The following WIPF3 variants were observed in gnomAD, a reference collection of about 807,000 sequenced individuals.
WIPF3 encodes WAS/WASL-interacting protein family member 3.
In WIPF3, 33 loss-of-function variants were observed where a neutral mutation model predicts 38.9. That is an observed-to-expected ratio of 0.85 (90% CI 0.64 to 1.14). WIPF3 has a LOEUF of 1.14. WIPF3 is among the 50% of genes most tolerant of loss of function. The pLI is 0.00. For synonymous variants in WIPF3, 324 were observed against 269.3 expected (o/e 1.20, Z -1.99); for missense variants, 711 against 652.5 (o/e 1.09, Z -0.98).
intron 8 of WIPF3, 80 bp from the exon 9 acceptor site, chr7:29,914,413 T>G: frequency 1.7e-6 from 2 of 1,194,688 alleles, no homozygotes; most frequent in Non-Finnish European, 2.3e-6. Context: ...CCCAGCCTGT[T>G]TGGGGGGGTG....
At chr7:29,908,423 T>C (rs1321131819) in intron 8 of WIPF3, among the ~76,000 whole-genome samples, 1 of 152,088 alleles carries the variant, frequency 6.6e-6, no homozygotes, top group Non-Finnish European at 1.5e-5. Context: ...ATCCTACTCC[T>C]AATAATGGGT....
chr7:29,889,061 C>T (rs1184690658), intron 6 of WIPF3, among the ~76,000 whole-genome samples: 1 of 152,176 alleles, frequency 6.6e-6, no homozygotes, highest in Non-Finnish European at 1.5e-5. Flanking sequence ...GAAGTAAGTT[C>T]AGGTGGGTGA....
chr7:29,845,074 C>CT (rs1784977708), intron 2 of WIPF3, among the ~76,000 whole-genome samples: 1 of 144,778 alleles, frequency 6.9e-6, no homozygotes. Flanking sequence ...TCCCCACTTG[C>CT]TTTTTGGTTC....
chr7:29,883,209 G>A (rs1007489915), intron 4 of WIPF3, among the ~76,000 whole-genome samples: 1 of 152,188 alleles, frequency 6.6e-6, no homozygotes, highest in Non-Finnish European at 1.5e-5. Flanking sequence ...AAACCCTTGG[G>A]AATTAGCATA....
At chr7:29,840,316 C>T (rs1363976596) in intron 2 of WIPF3, among the ~76,000 whole-genome samples, 1 of 152,248 alleles carries the variant, frequency 6.6e-6, no homozygotes, top group African/African-American at 2.4e-5. Context: ...CTACTTAAGG[C>T]CTCTGCATAG....
chr7:29,826,253 C>G (rs760114113), intron 1 of WIPF3, among the ~76,000 whole-genome samples: 3 of 152,066 alleles, frequency 2.0e-5, no homozygotes, highest in Non-Finnish European at 4.4e-5. Flanking sequence ...GGAGATGGTG[C>G]CTTTCTTACA....
intron 2 of WIPF3, among the ~76,000 whole-genome samples, chr7:29,854,183 C>G (rs1190004378): frequency 6.6e-6 from 1 of 152,180 alleles, no homozygotes; most frequent in East Asian, 1.9e-4. Flanking sequence ...ACCAGTGACA[C>G]CAAAGCCTCA....
At position 29,884,295 on chromosome 7, in the gene WIPF3, C is replaced by G; in HGVS notation, c.801C>G (p.Leu267=). The part of the protein sequence containing the change: ...LPPIPPPLPL[L]PPCGYPGLKA... ...CCATCCCGCCCCCGCTCCCTCTGCT[C>G]CCACCTTGTGGGTATCCGGGGCTCA... Residue 267 remains leucine, a synonymous_variant, in exon 5 of 9, where the codon CTC becomes CTG. Transcript: ENST00000242140. The G allele has an allele frequency of 7.6e-7, 1 of 1,323,414 alleles. No homozygotes were observed. The highest frequency in any genetic ancestry group is 1.0e-6 in the Non-Finnish European group (1 of 979,142). The allele number at this position is 1,323,414 out of a possible 1,614,324, so 82.0% of individuals were successfully genotyped here. A position where few individuals can be genotyped will look rare whatever the true frequency, so the allele number is the denominator to read the frequency against.
intron 7 of WIPF3, among the ~76,000 whole-genome samples, chr7:29,899,481 T>C (rs1298762342): frequency 3.9e-5 from 6 of 152,256 alleles, no homozygotes; most frequent in African/African-American, 1.4e-4. Context: ...TGCAGCAGTT[T>C]TTATTCACTG....
At chr7:29,889,232 G>C in intron 6 of WIPF3, 74 bp from the exon 7 acceptor site, 1 of 1,260,660 alleles carries the variant, frequency 7.9e-7, no homozygotes. Flanking sequence ...AGTAATCTCT[G>C]TGCTCCTGGA....
intron 1 of WIPF3, among the ~76,000 whole-genome samples, chr7:29,821,863 T>C (rs1270922949): frequency 1.3e-5 from 2 of 152,186 alleles, no homozygotes; most frequent in Non-Finnish European, 2.9e-5. Flanking sequence ...TTTGGGCTTC[T>C]TCTAGTGTGT....
At chr7:29,842,277 T>C (rs1411779883) in intron 2 of WIPF3, among the ~76,000 whole-genome samples, 4 of 152,250 alleles carry the variant, frequency 2.6e-5, no homozygotes, top group African/African-American at 9.6e-5. Flanking sequence ...ACAGTTCACC[T>C]AGGGCAGGCC....
intron 2 of WIPF3, among the ~76,000 whole-genome samples, chr7:29,857,247 G>A (rs1785200713): frequency 6.6e-6 from 1 of 152,122 alleles, no homozygotes; most frequent in Non-Finnish European, 1.5e-5. Flanking sequence ...ACATAGGGTA[G>A]TTAAACTTTG....
intron 2 of WIPF3, among the ~76,000 whole-genome samples, 190 bp downstream of exon 2, chr7:29,835,004 A>G (rs936663305): frequency 6.6e-6 from 1 of 151,624 alleles, no homozygotes; most frequent in Non-Finnish European, 1.5e-5. Context: ...TCTCTCCCCC[A>G]TTCTTCGGCA....
chr7:29,884,167 CCTCCACCTCCGCCACCTCCCCCAA>C lies in WIPF3; in HGVS notation c.675_698del (p.Pro229_Pro236del). 6.5e-7 allele frequency: 1 copy of C among 1,529,338 alleles called. No individual in the cohort carries two copies. Among genetic ancestry groups the C allele is most frequent in the Non-Finnish European group, 8.8e-7 (1 of 1,134,470 alleles). The allele number at this position is 1,529,338 out of a possible 1,614,324, so 94.7% of individuals were successfully genotyped here. ...ACCCCCCGTCCCCTGTGCGCCACCACCTCCACCTCCGCCACCTCCCCCAACGCCACCCCCGCTGCCCCCGGCCTC... is the reference window on the plus strand; with the variant it reads ...ACCCCCCGTCCCCTGTGCGCCACCACCGCCACCCCCGCTGCCCCCGGCCTC... On this transcript the variant is annotated inframe_deletion, in exon 5 of 9. Coordinates refer to ENST00000242140, the MANE Select transcript of WIPF3 (RefSeq NM_001080529.3).
At chr7:29,872,091 T>C (rs1167056462) in intron 2 of WIPF3, among the ~76,000 whole-genome samples, 2 of 152,246 alleles carry the variant, frequency 1.3e-5, no homozygotes, top group East Asian at 3.8e-4. Context: ...TTTTAGTTTT[T>C]GGTGCATAGT....
chr7:29,824,545 AT>A (rs892090997), intron 1 of WIPF3, among the ~76,000 whole-genome samples: 5 of 148,794 alleles, frequency 3.4e-5, no homozygotes, highest in Admixed American at 6.7e-5. Flanking sequence ...TTAGAGATGT[AT>A]TTTTAAAAAA....
In WIPF3 at chr7:29,916,763, A is replaced by G. The variant is rs1063694; in HGVS notation, c.*2247A>G. 0.29 allele frequency: 44,400 copies of G among 151,868 alleles called. 6,708 individuals are homozygous for G. The highest frequency in any genetic ancestry group is 0.33 in the Middle Eastern group (96 of 294). 9.4% of individuals were successfully genotyped at this position (151,868 alleles called of 1,614,324 possible). A position where few individuals can be genotyped will look rare whatever the true frequency, so the allele number is the denominator to read the frequency against. On this transcript the variant is annotated 3_prime_UTR_variant, in exon 9 of 9. Coordinates refer to ENST00000242140, the MANE Select transcript of WIPF3 (RefSeq NM_001080529.3). ...GAAGGAGCAGAAACCAAAAATGGCAATTAGGGAGAAATCTCAGGAATGTGG... is the reference window on the plus strand; with the variant it reads ...GAAGGAGCAGAAACCAAAAATGGCAGTTAGGGAGAAATCTCAGGAATGTGG...
chr7:29,845,265 G>A (rs1784981672), intron 2 of WIPF3, among the ~76,000 whole-genome samples: 1 of 152,242 alleles, frequency 6.6e-6, no homozygotes, highest in South Asian at 2.1e-4. Flanking sequence ...GAGCTCAGAA[G>A]GATAGGGTCT....
Sources: allele counts gnomAD v4.1 joint callset (sites outside exome capture counted in the v4.1 genomes callset), GRCh38; gene constraint gnomAD v4.1.1; transcripts MANE v1.5; gene names NCBI Gene and HGNC (gene_info 2026-07-23, HGNC 2026-07-21).